Variants in NINJ2 observed in about 807,000 individuals in gnomAD.
NINJ2 encodes the protein ninjurin 2, also known as ninjurin-2.
In NINJ2, 12 loss-of-function variants were observed where a neutral mutation model predicts 11.7. The ratio of observed to expected loss-of-function variants is 1.02; its 90% CI spans 0.66 to 1.66. NINJ2 has a LOEUF of 1.66. Ranked by LOEUF, NINJ2 falls within the 40% of genes most tolerant of loss-of-function variation. The pLI is 0.00. For synonymous variants in NINJ2, 93 were observed against 76.8 expected, an observed-to-expected ratio of 1.21 and a Z score of -1.10; for missense variants, 187 against 181.8, an observed-to-expected ratio of 1.03 and a Z score of -0.16.
chr12:588,764 A>G (rs1165458412), intron 1 of NINJ2, among the ~76,000 whole-genome samples: 1 of 152,208 alleles, frequency 6.6e-6, no homozygotes, highest in African/African-American at 2.4e-5. Flanking sequence ...GCCAACAGAA[A>G]AACTGAGTAC....
chr12:650,970 T>C (rs546492418), intron 1 of NINJ2, among the ~76,000 whole-genome samples: 51 of 152,264 alleles, frequency 3.3e-4, no homozygotes, highest in African/African-American at 9.4e-4. Flanking sequence ...TGGGGCAGAC[T>C]CACAAGGGCA....
chr12:584,046 T>C (rs1947598623), intron 1 of NINJ2, among the ~76,000 whole-genome samples: 1 of 146,708 alleles, frequency 6.8e-6, no homozygotes, highest in African/African-American at 2.5e-5. Context: ...TTTTCTTCAA[T>C]GAACATTTGG....
intron 1 of NINJ2, among the ~76,000 whole-genome samples, chr12:574,956 G>A (rs1947433862): frequency 6.6e-6 from 1 of 152,228 alleles, no homozygotes; most frequent in South Asian, 2.1e-4. Context: ...AAGCTGTGAA[G>A]TATTAAACAA....
At chr12:588,386 T>G (rs1478168756) in intron 1 of NINJ2, among the ~76,000 whole-genome samples, 1 of 152,232 alleles carries the variant, frequency 6.6e-6, no homozygotes, top group African/African-American at 2.4e-5. Flanking sequence ...TTAATACATT[T>G]GACTGCATAA....
Position 633,106 on chromosome 12 carries a change from G to C in NINJ2, c.33+30222C>G, listed in dbSNP as rs1948302872. 6.6e-6 allele frequency among the ~76,000 whole-genome samples: 1 copy of C among 152,130 alleles called. No homozygotes were observed. The highest frequency in any genetic ancestry group is 2.4e-5 in the African/African-American group (1 of 41,434). The stretch of plus-strand genomic sequence containing the variant: ...CAAAGATCTAGGACTTTCTTTTCCA[G>C]GGAAGTTCTCTGAGAACTGAATCAA... On this transcript the variant is annotated intron_variant, in intron 1 of 3. Coordinates refer to ENST00000305108, the MANE Select transcript of NINJ2 (RefSeq NM_016533.6). The surrounding 1 kb of genome is among the most constrained non-coding windows in gnomAD (Gnocchi z 4.3).
In NINJ2 at chr12:616,563, C is replaced by T. The variant is rs569895858; in HGVS notation, c.33+46765G>A. ...GACTGCTCTGGTCCCAGGGTAATGA[C>T]GGTGACAGTGCTGCAGGTTGCAGGA... On this transcript the variant is annotated intron_variant, in intron 1 of 3. Coordinates refer to ENST00000305108, the MANE Select transcript of NINJ2 (RefSeq NM_016533.6). 1.2e-4 allele frequency among the ~76,000 whole-genome samples: 18 copies of T among 152,300 alleles called. No homozygotes were observed. The East Asian group carries it at 1.5e-3, about 13-fold the overall frequency.
Position 580,574 on chromosome 12 carries a change from G to GAGA in NINJ2, c.34-14399_34-14397dup, listed in dbSNP as rs1365622324. ...TGCACTCCAGCCTGCATGACAGAGAGAGACCCTGTCTCAAAAAAAAAAAAA... is the reference window on the plus strand; with the variant it reads ...TGCACTCCAGCCTGCATGACAGAGAGAGAAGACCCTGTCTCAAAAAAAAAAAAA... On this transcript the variant is annotated intron_variant, in intron 1 of 3. Coordinates refer to ENST00000305108, the MANE Select transcript of NINJ2 (RefSeq NM_016533.6). This position sits in a 1 kb window ranked among gnomAD's most constrained non-coding sequence, Gnocchi z 4.7. Among the ~76,000 whole-genome samples, 1 of 118,180 alleles carries GAGA rather than the reference G, an allele frequency of 8.5e-6. No individual in the cohort carries two copies. The highest frequency in any genetic ancestry group is 2.3e-4 in the East Asian group (1 of 4,364). The allele number at this position is 118,180 out of a possible 152,430, so 77.5% of individuals were successfully genotyped here. A position where few individuals can be genotyped will look rare whatever the true frequency, so the allele number is the denominator to read the frequency against.
At chr12:616,060 C>T (rs1323296264) in intron 1 of NINJ2, among the ~76,000 whole-genome samples, 3 of 152,014 alleles carry the variant, frequency 2.0e-5, no homozygotes, top group African/African-American at 4.8e-5. Context: ...GAATTTGTTG[C>T]GGTAAAGGAA....
chr12:615,177 G>A (rs1416359569), intron 1 of NINJ2, among the ~76,000 whole-genome samples: 1 of 152,206 alleles, frequency 6.6e-6, no homozygotes, highest in Admixed American at 6.5e-5. Context: ...GCCCCATTAG[G>A]AAGCTACATC....
At chr12:636,636 TG>T (rs1948355524) in intron 1 of NINJ2, among the ~76,000 whole-genome samples, 1 of 151,938 alleles carries the variant, frequency 6.6e-6, no homozygotes, top group African/African-American at 2.4e-5. Context: ...AAAGGCTCAA[TG>T]TCACCAGTCA....
chr12:572,570 A>C (rs958045209), intron 1 of NINJ2, among the ~76,000 whole-genome samples: 13 of 152,156 alleles, frequency 8.5e-5, no homozygotes, highest in African/African-American at 2.4e-4. Flanking sequence ...TTCACTTGGG[A>C]AGGGTGCCTG....
intron 1 of NINJ2, among the ~76,000 whole-genome samples, chr12:631,285 G>C (rs1222398311): frequency 6.6e-6 from 1 of 152,224 alleles, no homozygotes; most frequent in East Asian, 1.9e-4. Context: ...GACCCCTGGG[G>C]TATGTTCCAG....
intron 1 of NINJ2, among the ~76,000 whole-genome samples, chr12:648,984 A>ATCTATCTGTCTGTCTGTCTG (rs540403462): frequency 2.1e-4 from 7 of 32,904 alleles, no homozygotes; most frequent in African/African-American, 4.9e-4. Flanking sequence ...CCACCTATCT[A>ATCTATCTGTCTGTCTGTCTG]TCTATCTATC....
Position 565,348 on chromosome 12 carries a change from T to C in NINJ2, c.316A>G (p.Asn106Asp), listed in dbSNP as rs1947278935. ...AAGAAGACCAAGATGGTGGCTGCGT[T>C]GTTGAGCTGGTTGAGTCGCCACTGC... ...EKQWRLNQLN[N>D]AATILVFFTV... Residue 106 changes from asparagine (N) to aspartate (D), a missense_variant, in exon 3 of 4, where the codon AAC (asparagine) becomes GAC (aspartate). By Grantham distance (23) the Asn-to-Asp change is conservative (BLOSUM62 1). Coordinates refer to ENST00000305108, the MANE Select transcript of NINJ2 (RefSeq NM_016533.6). The C allele has an allele frequency of 6.2e-7, 1 of 1,614,194 alleles. No individual in the cohort carries two copies. The highest frequency in any genetic ancestry group is 8.5e-7 in the Non-Finnish European group (1 of 1,180,034).
At chr12:600,492 G>T (rs1247053834) in intron 1 of NINJ2, among the ~76,000 whole-genome samples, 1 of 152,070 alleles carries the variant, frequency 6.6e-6, no homozygotes, top group African/African-American at 2.4e-5. Context: ...GGAGGCGGAG[G>T]TTGCAGTGAG....
intron 1 of NINJ2, among the ~76,000 whole-genome samples, chr12:622,196 C>T (rs775987253): frequency 8.8e-5 from 13 of 148,476 alleles, no homozygotes; most frequent in South Asian, 4.2e-4. Context: ...CCGAGGCGGG[C>T]GGATCATGAG....
At chr12:570,641 G>A (rs569073445) in intron 1 of NINJ2, among the ~76,000 whole-genome samples, 53 of 152,132 alleles carry the variant, frequency 3.5e-4, no homozygotes, top group Non-Finnish European at 6.5e-4. Flanking sequence ...CCGTTTCGCC[G>A]GACTCTTCGC....
intron 1 of NINJ2, among the ~76,000 whole-genome samples, chr12:626,895 G>C (rs891692111): frequency 2.6e-5 from 4 of 152,198 alleles, no homozygotes; most frequent in Non-Finnish European, 2.9e-5. Flanking sequence ...AGACCAGCCC[G>C]GGCAGCATAG....
chr12:572,542 T>C (rs1947392373), intron 1 of NINJ2, among the ~76,000 whole-genome samples: 1 of 152,216 alleles, frequency 6.6e-6, no homozygotes, highest in Non-Finnish European at 1.5e-5. Context: ...TAATTCGGTA[T>C]CAGTCCTCTT....
Sources: gnomAD v4.1 joint callset for allele counts (sites outside exome capture counted in the v4.1 genomes callset) on GRCh38, gnomAD v4.1.1 for gene constraint, Gnocchi (gnomAD v3.1) non-coding constraint, MANE v1.5 for transcripts, NCBI Gene and HGNC (gene_info 2026-07-23, HGNC 2026-07-21) for gene names.